The following UNC79 variants were observed in gnomAD, a reference collection of about 807,000 sequenced individuals.
UNC79 encodes the protein unc-79 subunit of NALCN channel complex.
Under a neutral mutation model 283.1 loss-of-function variants are expected in UNC79, and 37 were observed. The observed-to-expected ratio is 0.13, with a 90% CI of 0.10 to 0.17. UNC79 has a LOEUF of 0.17. Ranked by LOEUF, UNC79 falls within the 10% of genes least tolerant of loss-of-function variation. UNC79 has a pLI of 1.00. For missense variants in UNC79, 2,272 were observed against 3,211.1 expected (o/e 0.71, Z 7.07); for synonymous variants, 1,107 against 1,200.2 (o/e 0.92, Z 1.61).
intron 47 of UNC79, 126 bp from the exon 51 acceptor site, chr14:93,704,499 A>T: frequency 9.2e-7 from 1 of 1,083,258 alleles, no homozygotes; most frequent in Non-Finnish European, 1.4e-6. Context: ...GTAGCCCTGC[A>T]GCAGGGCCCA....
Position 93,501,723 on chromosome 14 carries a change from G to A in UNC79, c.898+4437G>A, listed in dbSNP as rs566921334. On this transcript the variant is annotated intron_variant, in intron 7 of 48. Coordinates refer to ENST00000555664, the Ensembl canonical transcript of UNC79. ...GAAAAATTATAGCAATATGTAAGGA[G>A]GAAAAACACCACCACCATCCAGAAA... Among the ~76,000 whole-genome samples the A allele has an allele frequency of 3.6e-3, 553 of 152,034 alleles. 5 individuals carry two copies. The highest frequency in any genetic ancestry group is 0.013 in the African/African-American group (532 of 41,460).
chr14:93,625,567 G>A (rs1294448678), intron 30 of UNC79, among the ~76,000 whole-genome samples: 1 of 152,028 alleles, frequency 6.6e-6, no homozygotes, highest in Non-Finnish European at 1.5e-5. Context: ...CTTATTATTT[G>A]CCAATAACTG....
At chr14:93,513,363 A>G (rs1374078602) in intron 7 of UNC79, among the ~76,000 whole-genome samples, 1 of 151,968 alleles carries the variant, frequency 6.6e-6, no homozygotes, top group Middle Eastern at 3.2e-3. Context: ...CTGGAACTAC[A>G]GGCATGACCA....
rs1021313289 is a variant in UNC79 at position 93,450,710 on chromosome 14, TAG to T, written c.23-16958_23-16957del. 2.0e-5 allele frequency among the ~76,000 whole-genome samples: 3 copies of T among 152,348 alleles called. No individual in the cohort carries two copies. In the South Asian group the frequency reaches 6.2e-4, roughly 32 times the overall value. On this transcript the variant is annotated intron_variant, in intron 1 of 48. Transcript: ENST00000555664. ...AAATTTAAAAATCTCTAGAAGTATG[TAG>T]AGTCTTTTCTTTGTCCCTAGTTTCT...
intron 1 of UNC79, among the ~76,000 whole-genome samples, chr14:93,367,648 CAT>C (rs2054362785): frequency 2.7e-5 from 1 of 36,528 alleles, no homozygotes; most frequent in Non-Finnish European, 8.4e-5. Context: ...GGAAAAATAA[CAT>C]AAGAGGGTAG....
chr14:93,624,531 G>A (rs2067400343), intron 30 of UNC79, among the ~76,000 whole-genome samples: 1 of 152,136 alleles, frequency 6.6e-6, no homozygotes. Flanking sequence ...GTAGGTTCTA[G>A]CATGCAGGTT....
chr14:93,520,693 A>G (rs1007192224), intron 7 of UNC79, among the ~76,000 whole-genome samples: 1 of 151,830 alleles, frequency 6.6e-6, no homozygotes, highest in Non-Finnish European at 1.5e-5. Flanking sequence ...TGCATTGTCT[A>G]TTCTTCTATT....
exon 29 of UNC79, chr14:93,618,205 A>G: frequency 6.2e-7 from 1 of 1,613,318 alleles, no homozygotes; most frequent in Non-Finnish European, 8.5e-7. Context: ...CCATACCGAG[A>G]CTGTGATATC....
At chr14:93,421,104 C>G (rs1307258632) in intron 1 of UNC79, among the ~76,000 whole-genome samples, 2 of 150,918 alleles carry the variant, frequency 1.3e-5, no homozygotes, top group Non-Finnish European at 3.0e-5. Flanking sequence ...TAATAAAGAT[C>G]AAAGCAAAAA....
At chr14:93,500,792 C>A (rs978633845) in intron 7 of UNC79, among the ~76,000 whole-genome samples, 2 of 152,152 alleles carry the variant, frequency 1.3e-5, no homozygotes, top group East Asian at 3.8e-4. Flanking sequence ...TGTTACATCA[C>A]TTTTTTCAGT....
At chr14:93,491,450 CA>C (rs1434690299) in intron 5 of UNC79, among the ~76,000 whole-genome samples, 1 of 151,936 alleles carries the variant, frequency 6.6e-6, no homozygotes. Context: ...CAGTCTGGTC[CA>C]AATTTCTAAG....
At chr14:93,430,110 A>C (rs1171160334), upstream of UNC79, among the ~76,000 whole-genome samples, 1 of 152,034 alleles carries the variant, frequency 6.6e-6, no homozygotes, top group Non-Finnish European at 1.5e-5. This position sits in a 1 kb window ranked among gnomAD's most constrained non-coding sequence, Gnocchi z 4.6. Flanking sequence ...GGGCTTCCTA[A>C]TGTGTCCCTG....
chr14:93,480,224 G>T (rs2058055707), intron 4 of UNC79, among the ~76,000 whole-genome samples: 1 of 152,116 alleles, frequency 6.6e-6, no homozygotes, highest in Non-Finnish European at 1.5e-5. Context: ...CAAAATTTGT[G>T]TATATTTTAA....
chr14:93,374,442 T>TG (rs1251334632), intron 1 of UNC79, among the ~76,000 whole-genome samples: 1 of 152,222 alleles, frequency 6.6e-6, no homozygotes, highest in African/African-American at 2.4e-5. Flanking sequence ...CCGACTTGCT[T>TG]GGGGCCTGAT....
At chr14:93,646,522 AAC>A in intron 34 of UNC79, 84 bp from the exon 38 acceptor site, 1 of 1,372,162 alleles carries the variant, frequency 7.3e-7, no homozygotes, top group South Asian at 1.2e-5. Flanking sequence ...CTAAACTGGA[AAC>A]ACAACAGGTC....
chr14:93,600,499 G>T, intron 24 of UNC79, 70 bp from the exon 25 acceptor site: 1 of 1,183,576 alleles, frequency 8.4e-7, no homozygotes, highest in Non-Finnish European at 1.2e-6. Context: ...TAGTATATCG[G>T]CTTTGAAGTA....
At chr14:93,692,130 T>C (rs2074742018) in intron 46 of UNC79, among the ~76,000 whole-genome samples, 184 bp downstream of exon 49, 1 of 152,186 alleles carries the variant, frequency 6.6e-6, no homozygotes, top group Non-Finnish European at 1.5e-5. Context: ...ATAAGCATTT[T>C]GATTAAAAAC....
chr14:93,365,164 T>A (rs1197400956), intron 1 of UNC79, among the ~76,000 whole-genome samples: 1 of 151,954 alleles, frequency 6.6e-6, no homozygotes, highest in Non-Finnish European at 1.5e-5. Flanking sequence ...GGTGGGTGGA[T>A]CACTTGAAGT....
chr14:93,556,539 C>A (rs985294790), intron 14 of UNC79, among the ~76,000 whole-genome samples: 1 of 152,206 alleles, frequency 6.6e-6, no homozygotes, highest in South Asian at 2.1e-4. Context: ...AGAGGTTTCT[C>A]CCAAAACAGG....
Sources: gnomAD v4.1 joint callset for allele counts (sites outside exome capture counted in the v4.1 genomes callset) on GRCh38, gnomAD v4.1.1 for gene constraint, Gnocchi (gnomAD v3.1) non-coding constraint, MANE v1.5 for transcripts, NCBI Gene and HGNC (gene_info 2026-07-23, HGNC 2026-07-21) for gene names.